BMERB1: variants seen among roughly 807,000 people sequenced by gnomAD.
BMERB1 encodes bMERB domain containing 1, also known as bMERB domain-containing protein 1.
In BMERB1, 12 loss-of-function variants were observed where a neutral mutation model predicts 23.6. The observed-to-expected ratio is 0.51, with a 90% CI of 0.33 to 0.82. The LOEUF (loss-of-function observed/expected upper bound fraction) is 0.82. Among genes scored for constraint, BMERB1 ranks in the 40% least tolerant of loss-of-function variants. BMERB1 has a pLI of 0.03. For synonymous variants in BMERB1, 122 were observed against 96.6 expected, an observed-to-expected ratio of 1.26 and a Z score of -1.54; for missense variants, 247 against 255.4, an observed-to-expected ratio of 0.97 and a Z score of 0.22.
intron 1 of BMERB1, among the ~76,000 whole-genome samples, chr16:15,436,687 C>A (rs1264099393): frequency 6.6e-6 from 1 of 151,900 alleles, no homozygotes; most frequent in Non-Finnish European, 1.5e-5. Flanking sequence ...TGTGTCCCCC[C>A]ATCCCAATAC....
chr16:15,586,375 A>G (rs540250555), intron 5 of BMERB1, among the ~76,000 whole-genome samples: 2 of 152,292 alleles, frequency 1.3e-5, no homozygotes, highest in Admixed American at 1.3e-4. Context: ...GACTTGAACA[A>G]AATTTCCCAT....
At chr16:15,468,955 C>T (rs920865425) in intron 1 of BMERB1, among the ~76,000 whole-genome samples, 3 of 146,674 alleles carry the variant, frequency 2.0e-5, no homozygotes, top group Non-Finnish European at 3.0e-5. Context: ...TCCAATAAAT[C>T]ATCTTCACAC....
intron 2 of BMERB1, among the ~76,000 whole-genome samples, chr16:15,546,959 T>G (rs1323910024): frequency 6.6e-6 from 1 of 152,076 alleles, no homozygotes; most frequent in Non-Finnish European, 1.5e-5. Context: ...AGCAAAACTG[T>G]TGGAGGATTT....
chr16:15,568,878 A>G (rs1009716992), intron 3 of BMERB1, among the ~76,000 whole-genome samples: 8 of 152,142 alleles, frequency 5.3e-5, no homozygotes, highest in Non-Finnish European at 1.2e-4. Flanking sequence ...TCCCCTGCCC[A>G]TCAGGCTGTG....
intron 1 of BMERB1, among the ~76,000 whole-genome samples, chr16:15,464,455 T>C (rs2051164596): frequency 1.3e-5 from 2 of 152,094 alleles, no homozygotes; most frequent in Non-Finnish European, 2.9e-5. Flanking sequence ...AGACCCTGTC[T>C]CTAATTTTTT....
At position 15,587,598 on chromosome 16, in the gene BMERB1, T is replaced by A. The variant is rs2031183328; in HGVS notation, c.*769T>A. 2.2e-6 allele frequency: 1 copy of A among 447,302 alleles called. No individual in the cohort carries two copies. Among genetic ancestry groups the A allele is most frequent in the Non-Finnish European group, 4.5e-6 (1 of 220,984 alleles). The allele number at this position is 447,302 out of a possible 1,614,324, so 27.7% of individuals were successfully genotyped here. A position where few individuals can be genotyped will look rare whatever the true frequency, so the allele number is the denominator to read the frequency against. On this transcript the variant is annotated 3_prime_UTR_variant, in exon 6 of 6. Coordinates refer to ENST00000300006, the MANE Select transcript of BMERB1 (RefSeq NM_033201.3). ...AGCTCTGATGTCAAGGCCAGAGCAGTTGAGAATGGGACCCAGAGTAGATGC... is the reference window on the plus strand; with the variant it reads ...AGCTCTGATGTCAAGGCCAGAGCAGATGAGAATGGGACCCAGAGTAGATGC...
intron 1 of BMERB1, among the ~76,000 whole-genome samples, chr16:15,480,606 C>CG (rs2051311526): frequency 1.7e-5 from 1 of 58,962 alleles, no homozygotes; most frequent in Non-Finnish European, 2.9e-5. Flanking sequence ...ATTCCACTGT[C>CG]TTTTTTTTTT....
chr16:15,526,586 C>A (rs1460456786), intron 2 of BMERB1, among the ~76,000 whole-genome samples: 1 of 150,854 alleles, frequency 6.6e-6, no homozygotes, highest in Non-Finnish European at 1.5e-5. Context: ...ATCGCTTGAA[C>A]CCAGGAGGTG....
At chr16:15,572,986 G>C (rs2030767896) in intron 3 of BMERB1, among the ~76,000 whole-genome samples, 1 of 152,112 alleles carries the variant, frequency 6.6e-6, no homozygotes, top group Non-Finnish European at 1.5e-5. Context: ...GTGATTGTGA[G>C]GCCTCCCCAG....
At chr16:15,524,201 A>G (rs2051883550) in intron 2 of BMERB1, among the ~76,000 whole-genome samples, 1 of 152,190 alleles carries the variant, frequency 6.6e-6, no homozygotes, top group South Asian at 2.1e-4. Context: ...TTCCAGGAAC[A>G]GGTCACCATT....
intron 2 of BMERB1, among the ~76,000 whole-genome samples, chr16:15,542,352 C>T (rs975290488): frequency 7.2e-5 from 11 of 152,124 alleles, no homozygotes; most frequent in Non-Finnish European, 1.6e-4. Flanking sequence ...CGTGAGCCAC[C>T]GTGCCCTGCC....
chr16:15,479,602 A>G (rs2051302572), intron 1 of BMERB1, among the ~76,000 whole-genome samples: 1 of 152,170 alleles, frequency 6.6e-6, no homozygotes, highest in Admixed American at 6.5e-5. Flanking sequence ...TCCAACCAAA[A>G]CAATATATAT....
rs2051737114 is a variant in BMERB1 at position 15,515,404 on chromosome 16, G to A, written c.206G>A (p.Arg69His). The A allele has an allele frequency of 1.9e-6, 3 of 1,613,876 alleles. No individual in the cohort carries two copies. The highest frequency in any genetic ancestry group is 1.7e-6 in the Non-Finnish European group (2 of 1,179,948). Residue 69 changes from arginine (R) to histidine (H), a missense_variant, in exon 2 of 6, where the codon CGC becomes CAC. Coordinates refer to ENST00000300006, the MANE Select transcript of BMERB1 (RefSeq NM_033201.3). ...KIQRLREVLV[R>H]RESELRFMMD... Reference sequence around the variant, plus strand: ...CAGCGTCTCCGGGAAGTCTTGGTCCGCCGGGAGTCTGAGCTCAGGTTCATG... The same window carrying A: ...CAGCGTCTCCGGGAAGTCTTGGTCCACCGGGAGTCTGAGCTCAGGTTCATG...
chr16:15,520,057 C>T (rs1598491459), intron 2 of BMERB1, among the ~76,000 whole-genome samples: 1 of 152,106 alleles, frequency 6.6e-6, no homozygotes, highest in African/African-American at 2.4e-5. Context: ...CATGCATTCA[C>T]CCCTTAATTT....
chr16:15,466,498 AT>A (rs1226343683), intron 1 of BMERB1, among the ~76,000 whole-genome samples: 4 of 151,680 alleles, frequency 2.6e-5, no homozygotes, highest in African/African-American at 9.7e-5. Flanking sequence ...TGTATTATAA[AT>A]TTCAGCTTGT....
intron 2 of BMERB1, 58 bp from the exon 3 acceptor site, chr16:15,567,925 C>A: frequency 6.7e-7 from 1 of 1,492,338 alleles, no homozygotes; most frequent in Non-Finnish European, 9.3e-7. Flanking sequence ...CCGGGTGATG[C>A]TCAGGGCGTA....
rs991168938 is a variant in BMERB1 at position 15,528,709 on chromosome 16, C to T, written c.230+13281C>T. On this transcript the variant is annotated intron_variant, in intron 2 of 5. Transcript: ENST00000300006. ...CCTGGATCCCTCTCCTCCCACCCCC[C>T]TCTCCTTCCCTGGTGCTATGATCTG... is the stretch of plus-strand genomic sequence containing the variant. Among the ~76,000 whole-genome samples the T allele has an allele frequency of 5.3e-5, 8 of 152,044 alleles. No homozygotes were observed. In the East Asian group the frequency reaches 7.7e-4, roughly 15 times the overall value.
At chr16:15,533,886 G>A in intron 2 of BMERB1, among the ~76,000 whole-genome samples, 1 of 152,068 alleles carries the variant, frequency 6.6e-6, no homozygotes, top group Non-Finnish European at 1.5e-5. Context: ...GACCCTTGGA[G>A]AAATACCTCC....
At position 15,587,303 on chromosome 16, in the gene BMERB1, CCT is replaced by C. The variant is rs2031174226; in HGVS notation, c.*478_*479del. ...TGGGCACAGGTCCCCTCCCGTCTGT[CCT>C]CTCCCAGCAACTGTGCCCTGGAGGG... On this transcript the variant is annotated 3_prime_UTR_variant, in exon 6 of 6. Transcript: ENST00000300006. The C allele has an allele frequency of 4.2e-6, 1 of 235,820 alleles. No homozygotes were observed. Among genetic ancestry groups the C allele is most frequent in the Non-Finnish European group, 8.8e-6 (1 of 113,370 alleles). The allele number at this position is 235,820 out of a possible 1,614,324, so 14.6% of individuals were successfully genotyped here.
Sources: allele counts gnomAD v4.1 joint callset (sites outside exome capture counted in the v4.1 genomes callset), GRCh38; gene constraint gnomAD v4.1.1; transcripts MANE v1.5; gene names NCBI Gene and HGNC (gene_info 2026-07-23, HGNC 2026-07-21).